The following TLN2 variants were observed in gnomAD, a reference collection of about 807,000 sequenced individuals.
The protein encoded by TLN2 is talin-2.
In TLN2, 118 loss-of-function variants were observed where a neutral mutation model predicts 294.7. The ratio of observed to expected loss-of-function variants is 0.40; its 90% confidence interval spans 0.34 to 0.47. TLN2 has a LOEUF of 0.47. Among genes scored for constraint, TLN2 ranks in the 20% least tolerant of loss-of-function variants. The pLI is 0.84. For synonymous variants in TLN2, 1,431 were observed against 1,304.5 expected, an observed-to-expected ratio of 1.10 and a Z score of -2.09; for missense variants, 3,083 against 3,282.2, an observed-to-expected ratio of 0.94 and a Z score of 1.48.
At chr15:62,637,504 G>A (rs1264457407) in intron 3 of TLN2, 2 of 152,218 alleles carry the variant, frequency 1.3e-5, no homozygotes, top group Non-Finnish European at 2.9e-5. Context: ...AAAAACGACA[G>A]TATCTTCCAC....
intron 1 of TLN2, among the ~76,000 whole-genome samples, chr15:62,434,695 A>G (rs550277855): frequency 6.6e-6 from 1 of 152,164 alleles, no homozygotes; most frequent in African/African-American, 2.4e-5. Flanking sequence ...GACTGCCTAT[A>G]TTTGCCAGTC....
chr15:62,631,649 C>CCTT, intron 3 of TLN2, among the ~76,000 whole-genome samples: 1 of 110,064 alleles, frequency 9.1e-6, no homozygotes, highest in South Asian at 2.8e-4. Context: ...CTCTTTCTTT[C>CCTT]CTTCTTTTTC....
At position 62,716,334 on chromosome 15, in the gene TLN2, G is replaced by C; in HGVS notation, c.2638G>C (p.Ala880Pro). The change falls in exon 23 of 59, where the codon GCT (alanine) becomes CCT (proline). Residue 880 changes from alanine to proline, a missense_variant. Transcript: ENST00000636159. ...TARMVEAAKGAAANPENEDQQ... is the reference protein window; with the variant it reads ...TARMVEAAKGPAANPENEDQQ... ...ATCTTTATTTTTGCCTTTGCAGGGG[G>C]CTGCAGCCAACCCAGAGAATGAGGA... 1 of 1,601,846 alleles carries C rather than the reference G, an allele frequency of 6.2e-7. No homozygotes were observed. Among genetic ancestry groups the C allele is most frequent in the Non-Finnish European group, 8.5e-7 (1 of 1,175,642 alleles).
chr15:62,716,556 A>G (rs78706616), intron 23 of TLN2, 97 bp downstream of exon 23: 85,032 of 1,426,408 alleles, frequency 0.06, 2,917 homozygotes, highest in South Asian at 0.1. Context: ...CAATATAAAG[A>G]AAGCCAAGTC....
At chr15:62,481,536 A>AT (rs971289513) in intron 1 of TLN2, among the ~76,000 whole-genome samples, 1 of 151,400 alleles carries the variant, frequency 6.6e-6, no homozygotes. Flanking sequence ...CTAATTTTTT[A>AT]TTTTTTGTAG....
chr15:62,765,949 C>T (rs1388425044), intron 40 of TLN2, among the ~76,000 whole-genome samples: 1 of 152,186 alleles, frequency 6.6e-6, no homozygotes, highest in African/African-American at 2.4e-5. Context: ...AATGTTCCCT[C>T]AGACCCCTCC....
chr15:62,678,275 T>C (rs1211545175), intron 11 of TLN2, among the ~76,000 whole-genome samples: 1 of 152,260 alleles, frequency 6.6e-6, no homozygotes, highest in Non-Finnish European at 1.5e-5. Flanking sequence ...TAGTTTGCCT[T>C]ATTTTAAAAG....
At chr15:62,802,671 G>C (rs1361247681) in intron 50 of TLN2, among the ~76,000 whole-genome samples, 1 of 152,154 alleles carries the variant, frequency 6.6e-6, no homozygotes, top group Admixed American at 6.5e-5. Flanking sequence ...CATAGTGTTT[G>C]TACTAATTTA....
intron 45 of TLN2, among the ~76,000 whole-genome samples, chr15:62,792,111 G>A (rs137929787): frequency 8.5e-4 from 129 of 152,322 alleles, no homozygotes; most frequent in African/African-American, 3.1e-3. Flanking sequence ...GGAAGGGGGT[G>A]TTCTAGTTGG....
chr15:62,696,226 C>A (rs1028946025), intron 14 of TLN2, among the ~76,000 whole-genome samples: 1 of 152,184 alleles, frequency 6.6e-6, no homozygotes, highest in Admixed American at 6.5e-5. Context: ...GGCCCTGGGA[C>A]AGAGGTCCCT....
intron 1 of TLN2, among the ~76,000 whole-genome samples, chr15:62,458,112 G>C (rs406734): frequency 6.6e-6 from 1 of 151,892 alleles, no homozygotes; most frequent in African/African-American, 2.4e-5. Context: ...ATGAGTCAAC[G>C]GTAGAGCCTT....
intron 10 of TLN2, 74 bp from the exon 11 acceptor site, chr15:62,675,143 A>C: frequency 7.2e-7 from 1 of 1,396,450 alleles, no homozygotes; most frequent in Non-Finnish European, 1.0e-6. Context: ...CACCACATAC[A>C]GTAACTACCT....
At chr15:62,596,090 C>T (rs530715215) in intron 2 of TLN2, among the ~76,000 whole-genome samples, 17 of 151,706 alleles carry the variant, frequency 1.1e-4, no homozygotes, top group East Asian at 3.9e-4. Context: ...GGTGAAACCC[C>T]GTCTCTGCTA....
intron 41 of TLN2, among the ~76,000 whole-genome samples, chr15:62,769,513 T>G (rs895032542): frequency 6.6e-6 from 1 of 152,230 alleles, no homozygotes; most frequent in Non-Finnish European, 1.5e-5. Flanking sequence ...TCACCAGGTT[T>G]GAAACCTCTC....
intron 45 of TLN2, among the ~76,000 whole-genome samples, chr15:62,788,550 CT>C (rs200246442): frequency 3.3e-5 from 5 of 152,284 alleles, no homozygotes; most frequent in Admixed American, 2.0e-4. Context: ...AGATAACAAT[CT>C]TTTTTTCTTC....
chr15:62,436,383 A>T (rs1226927551), intron 1 of TLN2, among the ~76,000 whole-genome samples: 2 of 152,272 alleles, frequency 1.3e-5, no homozygotes, highest in Non-Finnish European at 2.9e-5. Flanking sequence ...CTGGTGTTCT[A>T]CCCTGGCCTG....
intron 2 of TLN2, among the ~76,000 whole-genome samples, chr15:62,608,881 G>A (rs2047670358): frequency 6.6e-6 from 1 of 152,060 alleles, no homozygotes; most frequent in African/African-American, 2.4e-5. Flanking sequence ...ACGAAGGAGA[G>A]CCTGTGGGAT....
intron 1 of TLN2, among the ~76,000 whole-genome samples, chr15:62,444,632 C>T (rs533357785): frequency 5.6e-4 from 85 of 152,360 alleles, no homozygotes; most frequent in African/African-American, 2.0e-3. Flanking sequence ...TCCTGACTCA[C>T]TCTTGTGTCA....
At chr15:62,551,513 T>TACACAC (rs56986714) in intron 1 of TLN2, among the ~76,000 whole-genome samples, 1,627 of 147,072 alleles carry the variant, frequency 0.011, 11 homozygotes, top group East Asian at 0.023. Context: ...CTACTAAAAA[T>TACACAC]ACACACACAC....
Sources: gnomAD v4.1 joint callset for allele counts (sites outside exome capture counted in the v4.1 genomes callset) on GRCh38, gnomAD v4.1.1 for gene constraint, MANE v1.5 for transcripts, NCBI Gene and HGNC (gene_info 2026-07-23, HGNC 2026-07-21) for gene names.